TBC1D1: variants seen among roughly 807,000 people sequenced by gnomAD.
TBC1D1 encodes the protein TBC1 (tre-2/USP6, BUB2, cdc16) domain family, member 1.
Under a neutral mutation model 125.6 loss-of-function variants are expected in TBC1D1, and 89 were observed. The observed-to-expected ratio is 0.71, with a 90% confidence interval of 0.60 to 0.85. TBC1D1 has a LOEUF of 0.85. Ranked by LOEUF, TBC1D1 falls within the 40% of genes least tolerant of loss-of-function variation. TBC1D1 has a pLI of 0.00. For missense variants in TBC1D1, 1,377 were observed against 1,469.2 expected, an observed-to-expected ratio of 0.94 and a Z score of 1.03; for synonymous variants, 565 against 564.1, an observed-to-expected ratio of 1.00 and a Z score of -0.02.
At chr4:37,970,481 T>C (rs1193420305) in intron 2 of TBC1D1, among the ~76,000 whole-genome samples, 1 of 152,240 alleles carries the variant, frequency 6.6e-6, no homozygotes, top group African/African-American at 2.4e-5. Context: ...TCCTTCTTCC[T>C]GGAAAGCCCA....
intron 2 of TBC1D1, among the ~76,000 whole-genome samples, chr4:37,938,092 A>G (rs1724772398): frequency 6.6e-6 from 1 of 152,150 alleles, no homozygotes; most frequent in Non-Finnish European, 1.5e-5. Context: ...CTTAAAGAAC[A>G]AAAACTTACT....
At chr4:37,900,799 C>G (rs1241535747) in intron 1 of TBC1D1, among the ~76,000 whole-genome samples, 1 of 152,190 alleles carries the variant, frequency 6.6e-6, no homozygotes, top group African/African-American at 2.4e-5. Flanking sequence ...GGGCTGGGCA[C>G]TGTGGCTCAT....
chr4:37,987,446 C>T (rs921936960), intron 2 of TBC1D1, among the ~76,000 whole-genome samples: 19 of 152,054 alleles, frequency 1.2e-4, no homozygotes, highest in African/African-American at 3.9e-4. Context: ...GGGATTACAA[C>T]GCATGTTCAA....
chr4:38,129,659 A>C (rs191441802), intron 18 of TBC1D1, among the ~76,000 whole-genome samples: 29 of 152,342 alleles, frequency 1.9e-4, no homozygotes, highest in African/African-American at 6.5e-4. Context: ...TTTATTAATC[A>C]GTGTCCATGG....
chr4:37,899,981 C>T (rs993079743), intron 1 of TBC1D1, among the ~76,000 whole-genome samples: 2 of 152,060 alleles, frequency 1.3e-5, no homozygotes, highest in Non-Finnish European at 2.9e-5. Flanking sequence ...ATTAGCCGGG[C>T]GCGGTGGCAG....
chr4:37,960,241 C>T (rs1729710549), intron 2 of TBC1D1, among the ~76,000 whole-genome samples: 1 of 152,160 alleles, frequency 6.6e-6, no homozygotes, highest in Non-Finnish European at 1.5e-5. Flanking sequence ...GTGGTACTCC[C>T]GAGATTCCTA....
At chr4:37,983,120 T>C (rs906413083) in intron 2 of TBC1D1, among the ~76,000 whole-genome samples, 3 of 112,454 alleles carry the variant, frequency 2.7e-5, no homozygotes, top group Admixed American at 2.1e-4. Flanking sequence ...TTCCCCAAAC[T>C]CTTTTTTTTT....
Position 38,027,859 on chromosome 4 carries a change from A to C in TBC1D1, c.1282A>C (p.Thr428Pro). 2 of 1,613,190 alleles carry C rather than the reference A, an allele frequency of 1.2e-6. No individual in the cohort carries two copies. The highest frequency in any genetic ancestry group is 8.5e-7 in the Non-Finnish European group (1 of 1,179,570). ...GACATTAACCAATCAGGAGCAGGCG[A>C]CTATTTTTGAAGAGGTTCAGGTACA... Residue 428 changes from threonine (T) to proline (P), a missense_variant, in exon 7 of 20, where the codon ACT (threonine) becomes CCT (proline). Thr to Pro is a conservative substitution (Grantham distance 38). Coordinates refer to ENST00000261439, the MANE Select transcript of TBC1D1 (RefSeq NM_015173.4).
At chr4:38,067,741 C>A (rs1753984255) in intron 12 of TBC1D1, among the ~76,000 whole-genome samples, 1 of 152,194 alleles carries the variant, frequency 6.6e-6, no homozygotes, top group Admixed American at 6.5e-5. Flanking sequence ...AAGGCTCAGC[C>A]CCTGGTGCAG....
At chr4:37,940,100 A>G (rs1182254263) in intron 2 of TBC1D1, among the ~76,000 whole-genome samples, 1 of 152,202 alleles carries the variant, frequency 6.6e-6, no homozygotes, top group African/African-American at 2.4e-5. Context: ...TTGAATCTAT[A>G]AATTACCTTG....
At chr4:37,968,310 G>C (rs569448293) in intron 2 of TBC1D1, among the ~76,000 whole-genome samples, 2 of 152,302 alleles carry the variant, frequency 1.3e-5, no homozygotes, top group East Asian at 3.9e-4. Context: ...AAGTTCAGGG[G>C]TTCCCTTTTA....
chr4:37,895,538 T>C (rs1218631782), intron 1 of TBC1D1, among the ~76,000 whole-genome samples: 1 of 152,066 alleles, frequency 6.6e-6, no homozygotes, highest in Admixed American at 6.5e-5. Context: ...ATCTCATCTC[T>C]ACCAAAAATA....
intron 2 of TBC1D1, among the ~76,000 whole-genome samples, chr4:37,970,995 G>A (rs551379552): frequency 6.6e-6 from 1 of 152,294 alleles, no homozygotes; most frequent in South Asian, 2.1e-4. Flanking sequence ...CTTACAGGAG[G>A]TTTTGCCGCC....
At chr4:38,107,785 C>T (rs1370032497) in intron 15 of TBC1D1, among the ~76,000 whole-genome samples, 1 of 152,100 alleles carries the variant, frequency 6.6e-6, no homozygotes, top group Non-Finnish European at 1.5e-5. Flanking sequence ...CTTGAGTTCT[C>T]TGCCCACATT....
At chr4:37,940,822 A>G (rs1725408654) in intron 2 of TBC1D1, among the ~76,000 whole-genome samples, 1 of 152,184 alleles carries the variant, frequency 6.6e-6, no homozygotes, top group Non-Finnish European at 1.5e-5. Context: ...ATGCTGGATT[A>G]CGTTTATTGA....
At position 38,031,801 on chromosome 4, in the gene TBC1D1, A is replaced by G. The variant is rs9991293; in HGVS notation, c.1303-3787A>G. On this transcript the variant is annotated intron_variant, in intron 7 of 19. Transcript: ENST00000261439. Reference sequence around the variant, plus strand: ...TGCCACCTTGCCCAGCTGGCAGTTTATATCTGAATTGCGTTTATGACAATT... The same window carrying G: ...TGCCACCTTGCCCAGCTGGCAGTTTGTATCTGAATTGCGTTTATGACAATT... Among the ~76,000 whole-genome samples, 1,326 of 152,296 alleles carry G rather than the reference A, an allele frequency of 8.7e-3. 16 individuals carry two copies. Among genetic ancestry groups the G allele is most frequent in the African/African-American group, 0.031 (1,274 of 41,548 alleles).
intron 2 of TBC1D1, among the ~76,000 whole-genome samples, chr4:37,912,022 G>A (rs1718727864): frequency 6.6e-6 from 1 of 152,178 alleles, no homozygotes; most frequent in African/African-American, 2.4e-5. Context: ...TAATTACATA[G>A]GTTATACTGA....
intron 2 of TBC1D1, among the ~76,000 whole-genome samples, chr4:37,987,267 G>A (rs11737000): frequency 0.014 from 2,116 of 151,986 alleles, 23 homozygotes; most frequent in Non-Finnish European, 0.024. Context: ...AATTGTGGCA[G>A]TAGTGGTATT....
chr4:38,112,756 C>T (rs1251436642), intron 15 of TBC1D1, among the ~76,000 whole-genome samples: 1 of 152,216 alleles, frequency 6.6e-6, no homozygotes, highest in Non-Finnish European at 1.5e-5. Context: ...AGAAAGGCGT[C>T]CAGACCCTGG....
Sources: allele counts gnomAD v4.1 joint callset (sites outside exome capture counted in the v4.1 genomes callset), GRCh38; gene constraint gnomAD v4.1.1; transcripts MANE v1.5; gene names NCBI Gene and HGNC (gene_info 2026-07-23, HGNC 2026-07-21).